Variants in CNTNAP5 observed in about 807,000 individuals in gnomAD.
The protein encoded by CNTNAP5 is contactin-associated protein-like 5.
A neutral mutation model predicts 150.2 loss-of-function variants in CNTNAP5; 72 were observed. The ratio of observed to expected loss-of-function variants is 0.48; its 90% CI spans 0.40 to 0.58. CNTNAP5 has a LOEUF of 0.58. CNTNAP5 is among the 20% of genes least tolerant of loss of function. The pLI is 0.00. For missense variants in CNTNAP5, 1,636 were observed against 1,626.2 expected (o/e 1.01, Z -0.10); for synonymous variants, 672 against 619.8 (o/e 1.08, Z -1.25).
chr2:124,810,596 A>G (rs1263795031), intron 19 of CNTNAP5, among the ~76,000 whole-genome samples: 1 of 152,184 alleles, frequency 6.6e-6, no homozygotes, highest in African/African-American at 2.4e-5. Flanking sequence ...ATTGGATGCC[A>G]TCATGAAGAT....
chr2:124,199,413 C>CTTTTTTTTTTTTTTTTTTT (rs70996049), intron 1 of CNTNAP5, among the ~76,000 whole-genome samples: 1 of 110,048 alleles, frequency 9.1e-6, no homozygotes, highest in Non-Finnish European at 1.7e-5. Flanking sequence ...TTCCAAGGTT[C>CTTTTTTTTTTTTTTTTTTT]TTTTTTTTTT....
At chr2:124,673,817 A>C (rs546891687) in intron 13 of CNTNAP5, among the ~76,000 whole-genome samples, 157 of 152,088 alleles carry the variant, frequency 1.0e-3, no homozygotes, top group African/African-American at 3.6e-3. Flanking sequence ...AATGCCCTCA[A>C]ATATTTTCAC....
chr2:124,723,167 G>A (rs918294874), intron 13 of CNTNAP5, among the ~76,000 whole-genome samples: 1 of 152,084 alleles, frequency 6.6e-6, no homozygotes, highest in Non-Finnish European at 1.5e-5. Context: ...CTCTTCCAAT[G>A]ACATTTTTCT....
chr2:124,515,576 A>G (rs112543837), intron 8 of CNTNAP5, among the ~76,000 whole-genome samples: 1 of 152,302 alleles, frequency 6.6e-6, no homozygotes, highest in African/African-American at 2.4e-5. Context: ...GCACTGTGCT[A>G]GCTGGCTGTG....
rs576296378 is a variant in CNTNAP5, at chr2:124,812,781, T to TCCCA, written c.3217+14462_3217+14465dup. On this transcript the variant is annotated intron_variant, in intron 19 of 23. Transcript: ENST00000682447. ...TTATCTTAAATGTATATGATTGATG[T>TCCCA]CCCATATCTCCCTAAAATGTATAAA... Among the ~76,000 whole-genome samples the TCCCA allele has an allele frequency of 1.6e-3, 246 of 152,288 alleles. 4 individuals carry two copies. Among genetic ancestry groups the TCCCA allele is most frequent in the Admixed American group, 0.016 (243 of 15,294 alleles).
chr2:124,456,903 GA>G (rs1476328630), intron 6 of CNTNAP5, among the ~76,000 whole-genome samples: 1 of 152,140 alleles, frequency 6.6e-6, no homozygotes, highest in Non-Finnish European at 1.5e-5. Flanking sequence ...ACACCACATA[GA>G]AAAGTCAACT....
Position 124,602,518 on chromosome 2 carries a change from G to A in CNTNAP5, c.1757-7283G>A, listed in dbSNP as rs115958468. 2.6e-3 allele frequency among the ~76,000 whole-genome samples: 395 copies of A among 151,942 alleles called. 1 individual carries two copies. Among genetic ancestry groups the A allele is most frequent in the African/African-American group, 9.1e-3 (379 of 41,458 alleles). On this transcript the variant is annotated intron_variant, in intron 11 of 23. Transcript: ENST00000682447. ...GTTTGTGTTTTTTTAAACTGAGACA[G>A]GGTCTTGCTCTGTCACCCAGGCTGG...
chr2:124,342,620 G>A (rs545894959), intron 3 of CNTNAP5, among the ~76,000 whole-genome samples: 1 of 152,202 alleles, frequency 6.6e-6, no homozygotes, highest in East Asian at 1.9e-4. Context: ...ATTGAACTTA[G>A]GTAACTACAT....
chr2:124,034,734 C>G (rs1681163681), intron 1 of CNTNAP5, among the ~76,000 whole-genome samples: 1 of 152,154 alleles, frequency 6.6e-6, no homozygotes. Context: ...TTAAACAGAC[C>G]TTAGGTAAAC....
At chr2:124,294,862 G>T (rs1222494935) in intron 3 of CNTNAP5, among the ~76,000 whole-genome samples, 1 of 152,110 alleles carries the variant, frequency 6.6e-6, no homozygotes, top group African/African-American at 2.4e-5. Context: ...AGAGGAGATG[G>T]CTGGGAGCGC....
intron 1 of CNTNAP5, among the ~76,000 whole-genome samples, chr2:124,046,713 A>G (rs1349839767): frequency 6.6e-6 from 1 of 151,972 alleles, no homozygotes; most frequent in African/African-American, 2.4e-5. Context: ...CGTACAAGAA[A>G]AGAAGACAAT....
chr2:124,366,881 G>T (rs1690385901), intron 3 of CNTNAP5, among the ~76,000 whole-genome samples: 1 of 152,114 alleles, frequency 6.6e-6, no homozygotes, highest in South Asian at 2.1e-4. Context: ...GGCCAAAGAG[G>T]TTCTCTTCTG....
At chr2:124,570,173 GT>G (rs1696119403) in intron 11 of CNTNAP5, among the ~76,000 whole-genome samples, 1 of 152,144 alleles carries the variant, frequency 6.6e-6, no homozygotes, top group South Asian at 2.1e-4. Flanking sequence ...ACTCTTTGAT[GT>G]ATACCAAAAA....
In CNTNAP5 at chr2:124,652,340, G is replaced by T. The variant is rs535094714; in HGVS notation, c.2077+4382G>T. Reference sequence around the variant, plus strand: ...CAGCTTCCAGTACAGAGCCCAGGGGGGGAGAATCACCACAGCCTGCCAGTA... The same window carrying T: ...CAGCTTCCAGTACAGAGCCCAGGGGTGGAGAATCACCACAGCCTGCCAGTA... On this transcript the variant is annotated intron_variant, in intron 13 of 23. Transcript: ENST00000682447. 1.1e-4 allele frequency among the ~76,000 whole-genome samples: 16 copies of T among 152,264 alleles called. No individual in the cohort carries two copies. In the South Asian group the frequency reaches 3.1e-3, roughly 30 times the overall value.
intron 11 of CNTNAP5, among the ~76,000 whole-genome samples, chr2:124,584,120 T>C (rs1353354862): frequency 1.3e-5 from 2 of 152,102 alleles, no homozygotes; most frequent in Non-Finnish European, 1.5e-5. Flanking sequence ...CAGGTATACC[T>C]CCAAACAGCC....
chr2:124,885,602 T>C (rs1048703523), intron 21 of CNTNAP5, among the ~76,000 whole-genome samples: 22 of 147,902 alleles, frequency 1.5e-4, no homozygotes, highest in Non-Finnish European at 6.0e-5. Flanking sequence ...TCAGTACCCA[T>C]TAAACAGTCA....
intron 19 of CNTNAP5, among the ~76,000 whole-genome samples, chr2:124,820,990 GT>G (rs2104669145): frequency 6.6e-6 from 1 of 152,332 alleles, no homozygotes; most frequent in Admixed American, 6.5e-5. Context: ...GGTTCTCACA[GT>G]TTGTGCTCAC....
chr2:124,316,804 C>CAGAAAAAAAAAAAAAAAAAAAAAAAAAAA (rs1688972904), intron 3 of CNTNAP5, among the ~76,000 whole-genome samples: 1 of 54,770 alleles, frequency 1.8e-5, no homozygotes, highest in Non-Finnish European at 3.3e-5. Flanking sequence ...GACTCCATCT[C>CAGAAAAAAAAAAAAAAAAAAAAAAAAAAA]AAAAAAAAAA....
At chr2:124,892,431 G>C (rs1299773244) in intron 21 of CNTNAP5, among the ~76,000 whole-genome samples, 2 of 152,130 alleles carry the variant, frequency 1.3e-5, no homozygotes, top group African/African-American at 4.8e-5. Context: ...ACTGAAACCA[G>C]TTTGAGCTCC....
Sources: gnomAD v4.1 joint callset for allele counts (sites outside exome capture counted in the v4.1 genomes callset) on GRCh38, gnomAD v4.1.1 for gene constraint, MANE v1.5 for transcripts, NCBI Gene and HGNC (gene_info 2026-07-23, HGNC 2026-07-21) for gene names.